The following DCDC1 variants were observed in gnomAD, a reference collection of about 807,000 sequenced individuals.
The protein encoded by DCDC1 is doublecortin domain-containing protein 1.
DCDC1 carries 200 observed loss-of-function variants against 178.3 expected under a neutral mutation model. The ratio of observed to expected loss-of-function variants is 1.12; its 90% CI spans 1.00 to 1.26. The LOEUF (loss-of-function observed/expected upper bound fraction) is 1.26, where lower values mean the gene tolerates loss of function less well. DCDC1 is among the 50% of genes most tolerant of loss of function. DCDC1 has a pLI of 0.00. For missense variants in DCDC1, 1,983 were observed against 1,749.2 expected, an observed-to-expected ratio of 1.13 and a Z score of -2.38; for synonymous variants, 690 against 604.8, an observed-to-expected ratio of 1.14 and a Z score of -2.07.
At chr11:31,339,002 C>T (rs983026863) in intron 1 of DCDC1, among the ~76,000 whole-genome samples, 1 of 152,154 alleles carries the variant, frequency 6.6e-6, no homozygotes, top group African/African-American at 2.4e-5. Flanking sequence ...TTCTTAACAT[C>T]TTGTACATGC....
chr11:31,055,563 G>A (rs147665580), intron 20 of DCDC1, among the ~76,000 whole-genome samples: 1 of 152,188 alleles, frequency 6.6e-6, no homozygotes, highest in Admixed American at 6.6e-5. Context: ...CGTGTTTATA[G>A]CAGCACAATT....
rs80023875 is a variant in DCDC1, at chr11:31,169,942, A to G, written c.1222-32158T>C. 2.3e-3 allele frequency among the ~76,000 whole-genome samples: 351 copies of G among 152,300 alleles called. 1 individual carries two copies. The highest frequency in any genetic ancestry group is 8.1e-3 in the African/African-American group (337 of 41,570). On this transcript the variant is annotated intron_variant, in intron 9 of 38. Coordinates refer to ENST00000684477, the MANE Select transcript of DCDC1 (RefSeq NM_001387274.1). ...CAGAAGCAGCATAAGCTAAGGCTCA[A>G]AGAAGGAAAATGTGGGATGCATGTG...
intron 9 of DCDC1, among the ~76,000 whole-genome samples, chr11:31,195,482 T>C (rs549458696): frequency 7.2e-5 from 11 of 152,200 alleles, no homozygotes; most frequent in Non-Finnish European, 1.0e-4. Flanking sequence ...TCAGTGGAAT[T>C]TTTTGGCAAC....
At chr11:31,038,181 C>T (rs959400741) in intron 20 of DCDC1, among the ~76,000 whole-genome samples, 1 of 151,246 alleles carries the variant, frequency 6.6e-6, no homozygotes, top group South Asian at 2.1e-4. Context: ...CAAACCTGCA[C>T]GTTGTACACA....
At chr11:30,971,917 G>A (rs1404694831) in intron 20 of DCDC1, among the ~76,000 whole-genome samples, 2 of 151,992 alleles carry the variant, frequency 1.3e-5, no homozygotes, top group Admixed American at 6.6e-5. Context: ...CCAAAAACAG[G>A]CTTTTTGAAA....
At chr11:31,359,704 C>A (rs1397787621) in intron 1 of DCDC1, among the ~76,000 whole-genome samples, 1 of 152,152 alleles carries the variant, frequency 6.6e-6, no homozygotes, top group East Asian at 1.9e-4. Flanking sequence ...TAGTTTGAGG[C>A]CAGACCTGTG....
chr11:31,243,822 G>A (rs1190636895), intron 8 of DCDC1, among the ~76,000 whole-genome samples: 3 of 151,728 alleles, frequency 2.0e-5, no homozygotes, highest in Admixed American at 6.6e-5. Flanking sequence ...GGTTTTATAA[G>A]GGACTTCAGA....
chr11:31,091,832 AC>A (rs1957839350), intron 16 of DCDC1, among the ~76,000 whole-genome samples: 1 of 152,276 alleles, frequency 6.6e-6, no homozygotes, highest in East Asian at 1.9e-4. Context: ...TGTAGTTATA[AC>A]TACAGAGCTT....
intron 9 of DCDC1, among the ~76,000 whole-genome samples, chr11:31,144,433 G>A (rs1287414524): frequency 1.3e-5 from 2 of 152,040 alleles, no homozygotes; most frequent in Admixed American, 6.6e-5. Context: ...CACCGTGCCC[G>A]GCCAAAGACT....
At chr11:31,196,427 A>G (rs1375463368) in intron 9 of DCDC1, among the ~76,000 whole-genome samples, 1 of 151,944 alleles carries the variant, frequency 6.6e-6, no homozygotes, top group Non-Finnish European at 1.5e-5. Context: ...TCTGCCACCA[A>G]TCACAAGTAG....
intron 9 of DCDC1, among the ~76,000 whole-genome samples, chr11:31,213,698 T>A (rs1973147902): frequency 6.7e-6 from 1 of 150,170 alleles, no homozygotes; most frequent in African/African-American, 2.5e-5. Flanking sequence ...CCAGCTTGGG[T>A]GACAGAGCAT....
At chr11:30,988,102 A>T (rs1950757346) in intron 20 of DCDC1, among the ~76,000 whole-genome samples, 2 of 152,178 alleles carry the variant, frequency 1.3e-5, no homozygotes, top group Admixed American at 1.3e-4. Context: ...TCTAAACATA[A>T]TGAAGAGTAC....
At chr11:31,280,582 G>T in intron 7 of DCDC1, 1 of 313,338 alleles carries the variant, frequency 3.2e-6, no homozygotes. Context: ...CCTGAATTCT[G>T]GTGTATGAAA....
chr11:30,902,940 TG>T (rs1944798859), intron 32 of DCDC1, among the ~76,000 whole-genome samples: 1 of 152,146 alleles, frequency 6.6e-6, no homozygotes, highest in Non-Finnish European at 1.5e-5. Flanking sequence ...TATCATGCAG[TG>T]TGTCCAAAAA....
At chr11:30,955,419 C>T (rs1244391628) in intron 20 of DCDC1, among the ~76,000 whole-genome samples, 1 of 152,162 alleles carries the variant, frequency 6.6e-6, no homozygotes, top group Non-Finnish European at 1.5e-5. Flanking sequence ...CCTCTCTGCT[C>T]CTGTAATTAT....
chr11:30,928,353 A>G (rs964991199), intron 22 of DCDC1, among the ~76,000 whole-genome samples: 6 of 150,712 alleles, frequency 4.0e-5, no homozygotes. Context: ...TTACTTTCTA[A>G]ATTAACCAGC....
At chr11:30,970,069 G>A (rs163859) in intron 20 of DCDC1, among the ~76,000 whole-genome samples, 3,557 of 152,294 alleles carry the variant, frequency 0.023, 151 homozygotes, top group African/African-American at 0.082. Context: ...AGCCTATTTA[G>A]TTAGGATAGA....
intron 9 of DCDC1, among the ~76,000 whole-genome samples, chr11:31,156,927 A>C (rs1182568334): frequency 1.3e-5 from 2 of 152,198 alleles, no homozygotes; most frequent in African/African-American, 4.8e-5. Flanking sequence ...TAAAACAATA[A>C]TGTTTGCAAA....
At chr11:31,046,091 A>G (rs1457561444) in intron 20 of DCDC1, among the ~76,000 whole-genome samples, 2 of 152,182 alleles carry the variant, frequency 1.3e-5, no homozygotes, top group Non-Finnish European at 2.9e-5. Context: ...AGACTGTTCA[A>G]TCACAAGACT....
Sources: gnomAD v4.1 joint callset for allele counts (sites outside exome capture counted in the v4.1 genomes callset) on GRCh38, gnomAD v4.1.1 for gene constraint, MANE v1.5 for transcripts, NCBI Gene and HGNC (gene_info 2026-07-23, HGNC 2026-07-21) for gene names.